The following SYNE2 variants were observed in gnomAD, a reference collection of about 807,000 sequenced individuals.
The protein encoded by SYNE2 is nesprin-2.
In SYNE2, 431 loss-of-function variants were observed where a neutral mutation model predicts 856.3. That is an observed-to-expected ratio of 0.50 (90% CI 0.47 to 0.55). SYNE2 has a LOEUF of 0.55. Among genes scored for constraint, SYNE2 ranks in the 20% least tolerant of loss-of-function variants. The pLI, the probability that SYNE2 is intolerant of heterozygous loss-of-function variation, is 0.00. For missense variants in SYNE2, 8,129 were observed against 8,023.2 expected (o/e 1.01, Z -0.50); for synonymous variants, 2,923 against 2,872.3 (o/e 1.02, Z -0.56).
rs1193341517 is a variant in SYNE2, at chr14:64,098,165, T to G, written c.12306+19T>G. The stretch of plus-strand genomic sequence containing the variant: ...GCGGAAGGTGGGTATGACTTTAGGT[T>G]AATGCTGGCCCCACACTCCACAAGA... On this transcript the variant is annotated intron_variant, in intron 62 of 115. Coordinates refer to ENST00000555002, the MANE Select transcript of SYNE2 (RefSeq NM_182914.3). 6.2e-7 allele frequency: 1 copy of G among 1,612,848 alleles called. No individual in the cohort carries two copies. Among genetic ancestry groups the G allele is most frequent in the African/African-American group, 1.3e-5 (1 of 75,026 alleles).
chr14:63,996,446 T>A (rs2096714602), intron 23 of SYNE2, among the ~76,000 whole-genome samples: 1 of 152,154 alleles, frequency 6.6e-6, no homozygotes, highest in African/African-American at 2.4e-5. Context: ...GCCACTTAGT[T>A]CCTTCACTGC....
At chr14:64,087,928 A>T (rs958379049) in intron 58 of SYNE2, 72 bp downstream of exon 58, 2 of 1,542,322 alleles carry the variant, frequency 1.3e-6, no homozygotes, top group Admixed American at 1.8e-5. Context: ...CATCCCTATA[A>T]TTCCAGCACT....
At chr14:64,040,020 G>C (rs1022451424) in intron 45 of SYNE2, among the ~76,000 whole-genome samples, 2 of 152,160 alleles carry the variant, frequency 1.3e-5, no homozygotes, top group Non-Finnish European at 2.9e-5. Flanking sequence ...TCTTAAGCAG[G>C]TTTTGAGTCT....
chr14:63,843,424 A>G (rs2139935675), intron 1 of SYNE2, among the ~76,000 whole-genome samples: 1 of 152,358 alleles, frequency 6.6e-6, no homozygotes, highest in Non-Finnish European at 1.5e-5. Flanking sequence ...TTCTAGGTAT[A>G]TTCTCATAAT....
chr14:64,063,547 C>T (rs2097333851), intron 50 of SYNE2, among the ~76,000 whole-genome samples: 1 of 152,186 alleles, frequency 6.6e-6, no homozygotes, highest in Non-Finnish European at 1.5e-5. Context: ...GTCCACTGAT[C>T]GCTTACTGCA....
At chr14:63,912,578 C>T (rs1178946769) in intron 2 of SYNE2, among the ~76,000 whole-genome samples, 2 of 152,146 alleles carry the variant, frequency 1.3e-5, no homozygotes, top group African/African-American at 2.4e-5. Flanking sequence ...TGTTTCAGAA[C>T]CTTTTTTTAG....
At chr14:64,223,158 T>C in intron 112 of SYNE2, 31 bp from the exon 113 acceptor site, 2 of 1,612,114 alleles carry the variant, frequency 1.2e-6, no homozygotes, top group Non-Finnish European at 1.7e-6. Context: ...TTTGGACAGG[T>C]CACTGTTTCA....
intron 1 of SYNE2, among the ~76,000 whole-genome samples, chr14:63,907,926 A>G (rs577770264): frequency 6.6e-6 from 1 of 152,308 alleles, no homozygotes; most frequent in South Asian, 2.1e-4. Flanking sequence ...TAATTAGTCA[A>G]GTTAATTTGG....
intron 1 of SYNE2, among the ~76,000 whole-genome samples, chr14:63,842,085 C>T (rs1175546685): frequency 1.3e-5 from 2 of 152,034 alleles, no homozygotes; most frequent in Non-Finnish European, 2.9e-5. Context: ...CCGCTTGCCT[C>T]AGCCTCCCAA....
intron 1 of SYNE2, among the ~76,000 whole-genome samples, chr14:63,869,345 G>T (rs1896252298): frequency 1.3e-5 from 2 of 152,092 alleles, no homozygotes. Flanking sequence ...ACTATTTCCA[G>T]CCAGGCATGG....
At chr14:63,989,085 ATCTGTT>A (rs1274031073) in intron 19 of SYNE2, among the ~76,000 whole-genome samples, 2 of 152,192 alleles carry the variant, frequency 1.3e-5, no homozygotes, top group African/African-American at 2.4e-5. Flanking sequence ...TTTATTAGAC[ATCTGTT>A]TCTATGAATT....
intron 61 of SYNE2, chr14:64,095,166 C>T (rs1215709356): frequency 5.9e-6 from 1 of 170,292 alleles, no homozygotes; most frequent in Non-Finnish European, 1.5e-5. Context: ...TCTGCTGAAG[C>T]ATGTAGTTTT....
intron 53 of SYNE2, among the ~76,000 whole-genome samples, chr14:64,074,617 C>T (rs1025704697): frequency 6.6e-6 from 1 of 152,104 alleles, no homozygotes; most frequent in Non-Finnish European, 1.5e-5. Flanking sequence ...ACGTGTTGGC[C>T]GGACATGGTG....
At chr14:64,014,529 C>T (rs372659404) in intron 32 of SYNE2, among the ~76,000 whole-genome samples, 11 of 152,230 alleles carry the variant, frequency 7.2e-5, no homozygotes, top group Middle Eastern at 6.8e-3. Context: ...TGGATTCAAG[C>T]AATTCTCCTA....
intron 92 of SYNE2, 130 bp from the exon 93 acceptor site, chr14:64,168,739 TGCAGTAGG>T: frequency 1.2e-5 from 8 of 660,834 alleles, no homozygotes; most frequent in Admixed American, 7.1e-5. Context: ...GAACATTTTT[TGCAGTAGG>T]TTCAAATAAT....
At chr14:63,893,286 C>T (rs968635641) in intron 1 of SYNE2, among the ~76,000 whole-genome samples, 4 of 152,186 alleles carry the variant, frequency 2.6e-5, no homozygotes, top group African/African-American at 4.8e-5. Context: ...TGGCCAGGTG[C>T]GGTGGCTCGC....
chr14:64,193,192 C>A (rs2098525929), intron 99 of SYNE2, among the ~76,000 whole-genome samples: 1 of 152,196 alleles, frequency 6.6e-6, no homozygotes, highest in South Asian at 2.1e-4. Context: ...CACCATGTAG[C>A]CTCTTCCATC....
At chr14:63,932,224 A>G (rs1191047101) in intron 2 of SYNE2, among the ~76,000 whole-genome samples, 1 of 152,054 alleles carries the variant, frequency 6.6e-6, no homozygotes, top group East Asian at 1.9e-4. Flanking sequence ...TCTACTAAAA[A>G]TACAAAAATT....
intron 1 of SYNE2, among the ~76,000 whole-genome samples, chr14:63,774,443 T>C (rs542423695): frequency 2.3e-5 from 3 of 131,468 alleles, no homozygotes; most frequent in African/African-American, 8.8e-5. Context: ...CACTCCAGCC[T>C]GGGTAACAGA....
Sources: allele counts gnomAD v4.1 joint callset (sites outside exome capture counted in the v4.1 genomes callset), GRCh38; gene constraint gnomAD v4.1.1; transcripts MANE v1.5; gene names NCBI Gene and HGNC (gene_info 2026-07-23, HGNC 2026-07-21).